The following AP3B2 variants were observed in gnomAD, a reference collection of about 807,000 sequenced individuals.
AP3B2 encodes AP-3 complex subunit beta-2.
In AP3B2, 50 loss-of-function variants were observed where a neutral mutation model predicts 126.9. The observed-to-expected ratio is 0.39, with a 90% CI of 0.31 to 0.50. The LOEUF (loss-of-function observed/expected upper bound fraction) is 0.50, where lower values mean the gene tolerates loss of function less well. AP3B2 is among the 20% of genes least tolerant of loss of function. The probability of loss-of-function intolerance (pLI) is 0.79; values close to 1 mark genes in which losing one functional copy is unlikely to be tolerated. For missense variants in AP3B2, 1,177 were observed against 1,426.4 expected, an observed-to-expected ratio of 0.83 and a Z score of 2.82; for synonymous variants, 541 against 565.0, an observed-to-expected ratio of 0.96 and a Z score of 0.60.
intron 1 of AP3B2, among the ~76,000 whole-genome samples, chr15:82,690,500 AGT>A (rs1262745723): frequency 6.6e-6 from 1 of 151,744 alleles, no homozygotes; most frequent in Non-Finnish European, 1.5e-5. Context: ...GAGAACCTGC[AGT>A]GTTTGGTTTT....
chr15:82,687,149 C>T (rs1180114953), intron 4 of AP3B2: 4 of 152,224 alleles, frequency 2.6e-5, no homozygotes, highest in African/African-American at 7.2e-5. Flanking sequence ...AGGTCCCTAT[C>T]AGAAAAGATG....
chr15:82,662,336 T>G (rs2047965336), intron 23 of AP3B2, 84 bp from the exon 24 acceptor site: 3 of 1,046,928 alleles, frequency 2.9e-6, no homozygotes, highest in Non-Finnish European at 4.3e-6. Flanking sequence ...CCTACTCTCC[T>G]CTCCACTGTC....
intron 14 of AP3B2, among the ~76,000 whole-genome samples, chr15:82,672,094 C>T (rs1169801706): frequency 2.6e-5 from 4 of 152,058 alleles, no homozygotes; most frequent in African/African-American, 9.7e-5. Flanking sequence ...TCCAGCAATC[C>T]CAATGCTATG....
chr15:82,680,520 T>C lies in AP3B2; in HGVS notation c.1007A>G (p.Glu336Gly). The change falls in exon 8 of 27, where the codon GAA (glutamate) becomes GGA (glycine). Residue 336 changes from glutamate (E) to glycine (G), a missense_variant. Transcript: ENST00000535359. The surrounding 1 kb of genome is among the most constrained non-coding windows in gnomAD (Gnocchi z 6.1). ...CAGCGCCTTGGCGATGACGCCCACT[T>C]CCGCCTTGGGCGCCAGGTGGAAGTA... The part of the protein sequence containing the change: ...QLYFHLAPKA[E>G]VGVIAKALVR... 1 of 1,539,470 alleles carries C rather than the reference T, an allele frequency of 6.5e-7. No individual in the cohort carries two copies. The highest frequency in any genetic ancestry group is 8.7e-7 in the Non-Finnish European group (1 of 1,148,566).
intron 4 of AP3B2, chr15:82,684,991 G>A (rs1448439035): frequency 1.3e-5 from 2 of 152,180 alleles, no homozygotes; most frequent in African/African-American, 2.4e-5. Flanking sequence ...AGAGGCCATT[G>A]TAGGGTTATT....
At chr15:82,675,569 G>C (rs1428881754) in intron 14 of AP3B2, among the ~76,000 whole-genome samples, 1 of 152,200 alleles carries the variant, frequency 6.6e-6, no homozygotes, top group Non-Finnish European at 1.5e-5. Flanking sequence ...TTCAAGGATT[G>C]GCAGAGTCTT....
chr15:82,664,339 C>A lies in AP3B2; in HGVS notation c.2261+28G>T. ...TTCCAGGAAAGCCCCCTGAACCCCACCAGCCATCTGGCTAGCTCCCTTCTC... is the reference window on the plus strand; with the variant it reads ...TTCCAGGAAAGCCCCCTGAACCCCAACAGCCATCTGGCTAGCTCCCTTCTC... On this transcript the variant is annotated intron_variant, in intron 19 of 26. Coordinates refer to ENST00000535359, the MANE Select transcript of AP3B2 (RefSeq NM_001278512.2). The surrounding 1 kb of genome is among the most constrained non-coding windows in gnomAD (Gnocchi z 4.5). 1 of 1,613,466 alleles carries A rather than the reference C, an allele frequency of 6.2e-7. No homozygotes were observed. The highest frequency in any genetic ancestry group is 1.7e-5 in the Admixed American group (1 of 60,024).
chr15:82,693,597 G>C (rs867951266), intron 1 of AP3B2, among the ~76,000 whole-genome samples: 14 of 151,972 alleles, frequency 9.2e-5, no homozygotes, highest in Admixed American at 1.3e-4. Context: ...AATAAATCCC[G>C]CATTTGCTTA....
In AP3B2 at chr15:82,709,795, CG is replaced by C. The variant is rs1391581270; in HGVS notation, c.-90del. The C allele has an allele frequency of 1.8e-6, 2 of 1,111,090 alleles. No individual in the cohort carries two copies. The highest frequency in any genetic ancestry group is 3.3e-5 in the African/African-American group (2 of 60,452). The allele number at this position is 1,111,090 out of a possible 1,614,324, so 68.8% of individuals were successfully genotyped here. A position where few individuals can be genotyped will look rare whatever the true frequency, so the allele number is the denominator to read the frequency against. On this transcript the variant is annotated 5_prime_UTR_variant, in exon 1 of 27. Transcript: ENST00000535359. ...GAAGGGAAGGCGGGCCGGTCCGGTC[CG>C]GGCTGGCGAAGGCGGCGGCGCGGCA...
At chr15:82,667,765 G>C (rs1472044526) in intron 14 of AP3B2, among the ~76,000 whole-genome samples, 2 of 152,174 alleles carry the variant, frequency 1.3e-5, no homozygotes, top group East Asian at 3.9e-4. Flanking sequence ...TTACAGAAAA[G>C]AAGCAGGATC....
chr15:82,661,928 AG>A lies in AP3B2; in HGVS notation c.2919-7del. ...AGAACTGTCGGGTCTGGGTGCTGGG[AG>A]GGGTGGGAGGAAACGGAGAAGAATT... is the stretch of plus-strand genomic sequence containing the variant. On this transcript the variant is annotated splice_region_variant and splice_polypyrimidine_tract_variant and intron_variant, in intron 24 of 26. Coordinates refer to ENST00000535359, the MANE Select transcript of AP3B2 (RefSeq NM_001278512.2). 1.2e-6 allele frequency: 2 copies of A among 1,606,784 alleles called. No individual in the cohort carries two copies. Among genetic ancestry groups the A allele is most frequent in the Non-Finnish European group, 1.7e-6 (2 of 1,173,652 alleles).
chr15:82,667,454 C>G (rs2048079294), intron 14 of AP3B2, among the ~76,000 whole-genome samples: 1 of 152,234 alleles, frequency 6.6e-6, no homozygotes, highest in Non-Finnish European at 1.5e-5. Context: ...CCAGGGGTCT[C>G]AGAGGTCTTT....
chr15:82,664,401 C>T lies in AP3B2; in HGVS notation c.2227G>A (p.Asp743Asn), dbSNP rs1364323439. 6.2e-7 allele frequency: 1 copy of T among 1,613,968 alleles called. No homozygotes were observed. The highest frequency in any genetic ancestry group is 2.2e-5 in the East Asian group (1 of 44,886). ...CCTCTCCCTTTCTCCTCATCCTCAT[C>T]CTGGTCTTCATTGTCGGACTCACTG... Reference protein sequence around the residue: ...SSSESDNEDQDEDEEKGRGSE... With the variant: ...SSSESDNEDQNEDEEKGRGSE... Residue 743 changes from aspartate to asparagine, a missense_variant, in exon 19 of 27, where the codon GAT (aspartate) becomes AAT (asparagine). Around this residue, in one of 5 missense-constraint regions of AP3B2, gnomAD observed 587 missense variants for 571.3 expected, o/e 1.03. Transcript: ENST00000535359. This position sits in a 1 kb window ranked among gnomAD's most constrained non-coding sequence, Gnocchi z 4.5.
chr15:82,661,894 T>G lies in AP3B2; in HGVS notation c.2947A>C (p.Ile983Leu). The change falls in exon 25 of 27, where the codon ATT (isoleucine) becomes CTT (leucine). Residue 983 changes from isoleucine (I) to leucine (L), a missense_variant. Physicochemically the swap from Ile to Leu is conservative, Grantham distance 5 (BLOSUM62 2). Coordinates refer to ENST00000535359, the MANE Select transcript of AP3B2 (RefSeq NM_001278512.2). ...ATCAGCTCCCCAACAGGTGGCTGAA[T>G]GGAGACGTAGAACTGTCGGGTCTGG... is the stretch of plus-strand genomic sequence containing the variant. ...CTQTRQFYVS[I>L]QPPVGELMAP... The G allele has an allele frequency of 6.2e-7, 1 of 1,613,872 alleles. No individual in the cohort carries two copies.
intron 1 of AP3B2, among the ~76,000 whole-genome samples, chr15:82,691,245 A>G (rs1254848155): frequency 2.6e-5 from 4 of 152,132 alleles, no homozygotes; most frequent in Non-Finnish European, 5.9e-5. Context: ...AAATGTTTCT[A>G]TTTCTCCACA....
chr15:82,671,405 T>C (rs987115457), intron 14 of AP3B2, among the ~76,000 whole-genome samples: 2 of 152,136 alleles, frequency 1.3e-5, no homozygotes, highest in Admixed American at 6.5e-5. Flanking sequence ...TGTACACTGT[T>C]AGTGGAAATG....
intron 1 of AP3B2, among the ~76,000 whole-genome samples, chr15:82,702,311 T>C (rs1312437417): frequency 6.6e-6 from 1 of 152,196 alleles, no homozygotes; most frequent in Non-Finnish European, 1.5e-5. Flanking sequence ...CATCTTTATT[T>C]CCAATTACAC....
rs976811873 is a variant in AP3B2, at chr15:82,681,440, G to A, written c.501C>T (p.His167=). The A allele has an allele frequency of 1.2e-6, 2 of 1,613,830 alleles. No homozygotes were observed. The highest frequency in any genetic ancestry group is 1.3e-5 in the African/African-American group (1 of 74,922). Reference sequence around the variant, plus strand: ...CATACCTGTAGAGTTTAGGGATGGCGTGGGCAGCTGTTTTCCGCACATAGG... The same window carrying A: ...CATACCTGTAGAGTTTAGGGATGGCATGGGCAGCTGTTTTCCGCACATAGG... ...MSPYVRKTAA[H]AIPKLYSLDS... Residue 167 remains histidine, a synonymous_variant, in exon 5 of 27, where the codon CAC becomes CAT. Transcript: ENST00000535359. This position sits in a 1 kb window ranked among gnomAD's most constrained non-coding sequence, Gnocchi z 4.0.
chr15:82,674,040 T>G (rs553771332), intron 14 of AP3B2, among the ~76,000 whole-genome samples: 2 of 152,346 alleles, frequency 1.3e-5, no homozygotes, highest in African/African-American at 4.8e-5. Flanking sequence ...TATGCCTTTG[T>G]GGCCTCTGGT....
Sources: gnomAD v4.1 joint callset for allele counts (sites outside exome capture counted in the v4.1 genomes callset) on GRCh38, gnomAD v4.1.1 for gene constraint, gnomAD v4.1.1 regional missense constraint, Gnocchi (gnomAD v3.1) non-coding constraint, MANE v1.5 for transcripts, NCBI Gene and HGNC (gene_info 2026-07-23, HGNC 2026-07-21) for gene names.